GPR161: variants seen among roughly 807,000 people sequenced by gnomAD.
GPR161 encodes the protein G protein-coupled receptor 161, also known as G-protein coupled receptor RE2.
Under a neutral mutation model 39.2 loss-of-function variants are expected in GPR161, and 25 were observed. That is an observed-to-expected ratio of 0.64 (90% CI 0.47 to 0.89). The LOEUF (loss-of-function observed/expected upper bound fraction) is 0.89, where lower values mean the gene tolerates loss of function less well. GPR161 is among the 40% of genes least tolerant of loss of function. The pLI is 0.00. For missense variants in GPR161, 547 were observed against 677.8 expected, an observed-to-expected ratio of 0.81 and a Z score of 2.14; for synonymous variants, 286 against 276.6, an observed-to-expected ratio of 1.03 and a Z score of -0.34.
intron 1 of GPR161, among the ~76,000 whole-genome samples, chr1:168,108,486 T>TAAAAAAAAAAAAAAAAAAAA (rs10670498): frequency 5.2e-4 from 9 of 17,472 alleles, no homozygotes; most frequent in Non-Finnish European, 6.2e-4. Context: ...GCCCTAGTTG[T>TAAAAAAAAAAAAAAAAAAAA]AAAAAAAAAA....
At chr1:168,105,222 A>T (rs1165337629) in intron 1 of GPR161, among the ~76,000 whole-genome samples, 1 of 152,274 alleles carries the variant, frequency 6.6e-6, no homozygotes, top group Non-Finnish European at 1.5e-5. Context: ...CTTGAGCTCC[A>T]CCACTAGAGG....
At chr1:168,127,351 G>C (rs1246122795) in intron 1 of GPR161, among the ~76,000 whole-genome samples, 1 of 151,982 alleles carries the variant, frequency 6.6e-6, no homozygotes, top group Non-Finnish European at 1.5e-5. Flanking sequence ...CAGGCATGAT[G>C]GTGGGCACCT....
chr1:168,091,511 G>A (rs149587668), intron 3 of GPR161, among the ~76,000 whole-genome samples: 1,730 of 152,262 alleles, frequency 0.011, 41 homozygotes, highest in African/African-American at 0.039. Context: ...AAATGGCCCT[G>A]CCAGACCAAC....
intron 2 of GPR161, among the ~76,000 whole-genome samples, chr1:168,097,945 G>A (rs1572276102): frequency 6.6e-6 from 1 of 152,146 alleles, no homozygotes; most frequent in Admixed American, 6.5e-5. Context: ...CAGTGCACAC[G>A]CCCAGCAATT....
At chr1:168,132,354 G>A (rs969650184) in intron 1 of GPR161, among the ~76,000 whole-genome samples, 2 of 151,934 alleles carry the variant, frequency 1.3e-5, no homozygotes, top group East Asian at 1.9e-4. Context: ...TTGGGAGGTC[G>A]AGGCGGGCGG....
chr1:168,110,796 C>T (rs933965203), intron 1 of GPR161, among the ~76,000 whole-genome samples: 8 of 151,618 alleles, frequency 5.3e-5, no homozygotes, highest in Non-Finnish European at 1.2e-4. Context: ...TGGTGGCGGG[C>T]ACCTGTAATC....
In GPR161 at chr1:168,085,328, T is replaced by G. The variant is rs1359741236; in HGVS notation, c.*203A>C. 29 of 599,622 alleles carry G rather than the reference T, an allele frequency of 4.8e-5. No homozygotes were observed. The South Asian group carries it at 5.7e-4, about 12-fold the overall frequency. 37.1% of individuals were successfully genotyped at this position (599,622 alleles called of 1,614,324 possible). A position where few individuals can be genotyped will look rare whatever the true frequency, so the allele number is the denominator to read the frequency against. On this transcript the variant is annotated 3_prime_UTR_variant, in exon 6 of 6. Coordinates refer to ENST00000682931, the MANE Select transcript of GPR161 (RefSeq NM_001375883.1). The stretch of plus-strand genomic sequence containing the variant: ...CTGGGACCTAAAAGAAGCTCACATG[T>G]GGTCTCTGGAAATGCTGAAGCTGTG...
chr1:168,102,382 C>T lies in GPR161; in HGVS notation c.374+2095G>A, dbSNP rs1036584597. Among the ~76,000 whole-genome samples, 22 of 152,250 alleles carry T rather than the reference C, an allele frequency of 1.4e-4. No individual in the cohort carries two copies. In the South Asian group the frequency reaches 1.7e-3, roughly 11 times the overall value. ...GGTTATTTCTACTTTTGTGTTAAAT[C>T]GGCGCCCACAAGTCAGCCTCTGCCA... is the stretch of plus-strand genomic sequence containing the variant. On this transcript the variant is annotated intron_variant, in intron 2 of 5. Coordinates refer to ENST00000682931, the MANE Select transcript of GPR161 (RefSeq NM_001375883.1).
chr1:168,102,570 C>T (rs972055446), intron 2 of GPR161, among the ~76,000 whole-genome samples: 14 of 152,162 alleles, frequency 9.2e-5, no homozygotes, highest in Admixed American at 7.2e-4. Flanking sequence ...AGATGAAGTA[C>T]TTTGCTGGCA....
At chr1:168,124,835 C>T (rs1299031726) in intron 1 of GPR161, among the ~76,000 whole-genome samples, 3 of 152,162 alleles carry the variant, frequency 2.0e-5, no homozygotes, top group African/African-American at 7.2e-5. Context: ...TGGTACTCCT[C>T]CCATTGCTCT....
chr1:168,118,144 T>C (rs1048851797), intron 1 of GPR161, among the ~76,000 whole-genome samples: 5 of 152,152 alleles, frequency 3.3e-5, no homozygotes, highest in Non-Finnish European at 7.4e-5. Flanking sequence ...ATGGACTTCA[T>C]GAAAATTTTA....
chr1:168,111,191 G>A (rs1697140290), intron 1 of GPR161, among the ~76,000 whole-genome samples: 1 of 152,200 alleles, frequency 6.6e-6, no homozygotes, highest in Non-Finnish European at 1.5e-5. Flanking sequence ...AGAATTAAAG[G>A]AGTAGACACT....
chr1:168,095,072 G>C (rs1695401283), intron 3 of GPR161, among the ~76,000 whole-genome samples: 1 of 152,174 alleles, frequency 6.6e-6, no homozygotes, highest in South Asian at 2.1e-4. Context: ...TGATGTACAG[G>C]AAGGGCACAT....
At chr1:168,112,753 A>G (rs1697322679) in intron 1 of GPR161, among the ~76,000 whole-genome samples, 1 of 152,074 alleles carries the variant, frequency 6.6e-6, no homozygotes, top group South Asian at 2.1e-4. Context: ...GGTACTCAGG[A>G]GGCTGAGGCA....
chr1:168,131,088 T>C (rs913989565), intron 1 of GPR161, among the ~76,000 whole-genome samples: 1 of 152,266 alleles, frequency 6.6e-6, no homozygotes, highest in African/African-American at 2.4e-5. Flanking sequence ...ATCACAGACA[T>C]CCAATGCATC....
chr1:168,099,133 G>A (rs745719093), intron 2 of GPR161, among the ~76,000 whole-genome samples: 4 of 152,184 alleles, frequency 2.6e-5, no homozygotes, highest in Non-Finnish European at 1.5e-5. Flanking sequence ...CACTGCTCCT[G>A]CTTCTGCGAT....
At chr1:168,111,402 G>A (rs1697154655) in intron 1 of GPR161, among the ~76,000 whole-genome samples, 1 of 152,190 alleles carries the variant, frequency 6.6e-6, no homozygotes, top group African/African-American at 2.4e-5. Context: ...CCTGTAGTTA[G>A]GCAGGAGGAA....
At chr1:168,133,826 T>C (rs1699170843) in intron 1 of GPR161, 8 of 487,754 alleles carry the variant, frequency 1.6e-5, no homozygotes, top group African/African-American at 2.1e-5. Context: ...GAAATGTAGG[T>C]AATACTTTTT....
chr1:168,085,771 A>G lies in GPR161; in HGVS notation c.1350T>C (p.His450=), dbSNP rs573642610. 17 of 1,613,292 alleles carry G rather than the reference A, an allele frequency of 1.1e-5. No homozygotes were observed. The highest frequency in any genetic ancestry group is 1.3e-5 in the African/African-American group (1 of 75,046). ...AGGACTTGTGTACTTCAGCTTTCAC[A>G]TGAAGAATCGAGTTCTTGGCAGCTT... is the stretch of plus-strand genomic sequence containing the variant. ...IKEAAKNSIL[H]VKAEVHKSLD... Residue 450 remains histidine, a synonymous_variant, in exon 6 of 6, where the codon CAT becomes CAC. Coordinates refer to ENST00000682931, the MANE Select transcript of GPR161 (RefSeq NM_001375883.1).
Sources: gnomAD v4.1 joint callset for allele counts (sites outside exome capture counted in the v4.1 genomes callset) on GRCh38, gnomAD v4.1.1 for gene constraint, MANE v1.5 for transcripts, NCBI Gene and HGNC (gene_info 2026-07-23, HGNC 2026-07-21) for gene names.